The following HECTD4 variants were observed in gnomAD, a reference collection of about 807,000 sequenced individuals.
HECTD4 encodes the protein HECT domain E3 ubiquitin protein ligase 4, also known as probable E3 ubiquitin-protein ligase HECTD4.
Under a neutral mutation model 471.5 loss-of-function variants are expected in HECTD4, and 114 were observed. That is an observed-to-expected ratio of 0.24 (90% CI 0.21 to 0.28). The LOEUF (loss-of-function observed/expected upper bound fraction) is 0.28, where lower values mean the gene tolerates loss of function less well. Ranked by LOEUF, HECTD4 falls within the 10% of genes least tolerant of loss-of-function variation. The pLI is 1.00. For synonymous variants in HECTD4, 2,012 were observed against 2,256.0 expected, an observed-to-expected ratio of 0.89 and a Z score of 3.07; for missense variants, 3,866 against 5,651.5, an observed-to-expected ratio of 0.68 and a Z score of 10.13.
At chr12:112,359,374 C>A (rs1226716131) in intron 1 of HECTD4, among the ~76,000 whole-genome samples, 3 of 152,060 alleles carry the variant, frequency 2.0e-5, no homozygotes, top group Admixed American at 6.6e-5. Flanking sequence ...GACCACCCCC[C>A]TCCCCAGCAA....
intron 7 of HECTD4, among the ~76,000 whole-genome samples, chr12:112,296,594 G>A (rs1469512019): frequency 1.3e-5 from 2 of 151,802 alleles, no homozygotes; most frequent in African/African-American, 2.4e-5. Flanking sequence ...TGCAGATGGT[G>A]TAGGTGCAGA....
intron 13 of HECTD4, among the ~76,000 whole-genome samples, chr12:112,269,208 A>C (rs142112896): frequency 6.6e-6 from 1 of 152,272 alleles, no homozygotes; most frequent in Non-Finnish European, 1.5e-5. Context: ...AAAGGCTTGC[A>C]TTGTTGAGCA....
intron 5 of HECTD4, 78 bp downstream of exon 5, chr12:112,309,483 C>A: frequency 1.5e-6 from 1 of 666,740 alleles, no homozygotes; most frequent in Admixed American, 2.5e-5. Context: ...GGAATCTACC[C>A]ACAGTGTCTT....
At chr12:112,364,647 T>C (rs1004458868) in intron 1 of HECTD4, among the ~76,000 whole-genome samples, 1 of 151,852 alleles carries the variant, frequency 6.6e-6, no homozygotes, top group Admixed American at 6.6e-5. Flanking sequence ...TTGAATCAAT[T>C]GAGCCCGGGA....
intron 58 of HECTD4, 107 bp downstream of exon 58, chr12:112,192,954 T>C: frequency 7.3e-7 from 1 of 1,377,168 alleles, no homozygotes; most frequent in African/African-American, 1.4e-5. Context: ...TGTAAGTCAT[T>C]TGCATTAAAG....
intron 48 of HECTD4, among the ~76,000 whole-genome samples, chr12:112,215,721 C>T (rs1464296457): frequency 1.3e-5 from 2 of 152,172 alleles, no homozygotes; most frequent in Admixed American, 1.3e-4. Flanking sequence ...CTCACTGCAG[C>T]CTCAACCTTC....
intron 8 of HECTD4, among the ~76,000 whole-genome samples, chr12:112,282,276 G>A (rs1331602241): frequency 2.0e-5 from 3 of 152,192 alleles, no homozygotes; most frequent in South Asian, 2.1e-4. Flanking sequence ...CCAGCTACTC[G>A]GGAGGCTGAG....
chr12:112,230,901 CA>C, intron 39 of HECTD4, 79 bp from the exon 40 acceptor site: 4 of 1,343,702 alleles, frequency 3.0e-6, no homozygotes, highest in Non-Finnish European at 4.0e-6. Flanking sequence ...GGGTTAGCAT[CA>C]GAGGAAAACC....
In HECTD4 at chr12:112,319,056, G is replaced by A. The variant is rs2035539077; in HGVS notation, c.695+169C>T. Among the ~76,000 whole-genome samples, 1 of 152,186 alleles carries A rather than the reference G, an allele frequency of 6.6e-6. No homozygotes were observed. The highest frequency in any genetic ancestry group is 2.4e-5 in the African/African-American group (1 of 41,434). ...AACTCAGGCACCTGGTGCCAAGTTT[G>A]GTGAAAGCATCTCATGCACTGTCAA... On this transcript the variant is annotated intron_variant, in intron 2 of 75. Transcript: ENST00000682272. This position sits in a 1 kb window ranked among gnomAD's most constrained non-coding sequence, Gnocchi z 5.3.
At position 112,235,355 on chromosome 12, in the gene HECTD4, G is replaced by C. The variant is rs756557354; in HGVS notation, c.5726-89C>G. 11 of 1,499,350 alleles carry C rather than the reference G, an allele frequency of 7.3e-6. No individual in the cohort carries two copies. The highest frequency in any genetic ancestry group is 9.9e-6 in the Non-Finnish European group (11 of 1,110,238). The allele number at this position is 1,499,350 out of a possible 1,614,324, so 92.9% of individuals were successfully genotyped here. On this transcript the variant is annotated intron_variant, in intron 36 of 75. Coordinates refer to ENST00000682272, the MANE Select transcript of HECTD4 (RefSeq NM_001388303.1). This position sits in a 1 kb window ranked among gnomAD's most constrained non-coding sequence, Gnocchi z 5.0. The stretch of plus-strand genomic sequence containing the variant: ...ATGAAAAATAATGGTTTGGGATTTG[G>C]AATCTTTCTTCCCCCTTCTCTATTC...
At chr12:112,187,861 C>G (rs1451428061) in intron 60 of HECTD4, among the ~76,000 whole-genome samples, 1 of 144,464 alleles carries the variant, frequency 6.9e-6, no homozygotes, top group African/African-American at 2.6e-5. Context: ...CTCCTGACCT[C>G]GTGATCCGCC....
intron 52 of HECTD4, among the ~76,000 whole-genome samples, chr12:112,205,402 C>T (rs1014878697): frequency 6.6e-6 from 1 of 152,124 alleles, no homozygotes; most frequent in African/African-American, 2.4e-5. Context: ...CCATTGCACT[C>T]TAGCCTGGGA....
At chr12:112,201,423 A>T (rs1202546435) in intron 54 of HECTD4, 1 of 158,452 alleles carries the variant, frequency 6.3e-6, no homozygotes, top group African/African-American at 2.4e-5. Context: ...TGAATTCTTA[A>T]ATATAAATGT....
intron 7 of HECTD4, among the ~76,000 whole-genome samples, chr12:112,299,623 A>AAAACAAAAAAAC (rs2035121332): frequency 6.6e-6 from 1 of 151,406 alleles, no homozygotes; most frequent in Non-Finnish European, 1.5e-5. Context: ...TCTGTCTCAA[A>AAAACAAAAAAAC]AAACAAACAA....
chr12:112,296,463 G>A (rs2035017153), intron 7 of HECTD4, among the ~76,000 whole-genome samples: 1 of 151,394 alleles, frequency 6.6e-6, no homozygotes, highest in African/African-American at 2.4e-5. Context: ...GATGGTGTAG[G>A]TGCAGAGGAT....
At chr12:112,271,531 T>C (rs530143146) in intron 11 of HECTD4, among the ~76,000 whole-genome samples, 1 of 152,290 alleles carries the variant, frequency 6.6e-6, no homozygotes, top group Non-Finnish European at 1.5e-5. Flanking sequence ...CTTCCCCCAA[T>C]CCGTAACTTC....
chr12:112,194,900 C>T lies in HECTD4; in HGVS notation c.8734G>A (p.Ala2912Thr), dbSNP rs745915493. 5 of 1,606,328 alleles carry T rather than the reference C, an allele frequency of 3.1e-6. No individual in the cohort carries two copies. In the South Asian group the frequency reaches 3.4e-5, roughly 11 times the overall value. Residue 2912 changes from alanine to threonine, a missense_variant, in exon 56 of 76, where the codon GCA becomes ACA. By Grantham distance (58) the Ala-to-Thr change is moderately conservative (BLOSUM62 0). Coordinates refer to ENST00000682272, the MANE Select transcript of HECTD4 (RefSeq NM_001388303.1). The surrounding 1 kb of genome is among the most constrained non-coding windows in gnomAD (Gnocchi z 4.6). ...CAAGTTTTACCTGGGAGAGGAGGTG[C>T]GAGGAGCTGATTGGACAGCAGTTGC... ...HLQLLSNQLL[A>T]PPLPDGTISS...
intron 1 of HECTD4, among the ~76,000 whole-genome samples, chr12:112,371,715 C>T (rs1403456133): frequency 8.6e-5 from 13 of 151,822 alleles, no homozygotes; most frequent in Non-Finnish European, 1.5e-4. Context: ...GGAGAAACCC[C>T]GTCTCTACTA....
intron 7 of HECTD4, among the ~76,000 whole-genome samples, chr12:112,300,824 T>C (rs1053976231): frequency 5.9e-5 from 9 of 152,118 alleles, no homozygotes; most frequent in Non-Finnish European, 1.0e-4. Context: ...GGTCTTGAAC[T>C]TCTTGGCCCT....
Sources: allele counts gnomAD v4.1 joint callset (sites outside exome capture counted in the v4.1 genomes callset), GRCh38; gene constraint gnomAD v4.1.1; non-coding constraint Gnocchi (gnomAD v3.1); transcripts MANE v1.5; gene names NCBI Gene and HGNC (gene_info 2026-07-23, HGNC 2026-07-21).